Variants in RIC8B observed in about 807,000 individuals in gnomAD.
RIC8B encodes the protein chaperone Ric-8B.
A neutral mutation model predicts 57.5 loss-of-function variants in RIC8B; 16 were observed. That is an observed-to-expected ratio of 0.28 (90% CI 0.19 to 0.42). RIC8B has a LOEUF of 0.42. Among genes scored for constraint, RIC8B ranks in the 10% least tolerant of loss-of-function variants. The pLI is 1.00. For synonymous variants in RIC8B, 216 were observed against 250.8 expected (o/e 0.86, Z 1.31); for missense variants, 481 against 677.0 (o/e 0.71, Z 3.21).
chr12:106,883,484 G>A (rs981066358), intron 9 of RIC8B, among the ~76,000 whole-genome samples: 1 of 152,048 alleles, frequency 6.6e-6, no homozygotes, highest in Non-Finnish European at 1.5e-5. Flanking sequence ...AAATATATCA[G>A]AATCTCCCCA....
chr12:106,813,432 C>T lies in RIC8B; in HGVS notation c.133-1264C>T, dbSNP rs565834802. Among the ~76,000 whole-genome samples the T allele has an allele frequency of 2.0e-4, 30 of 152,166 alleles. No homozygotes were observed. The East Asian group carries it at 5.4e-3, about 28-fold the overall frequency. The stretch of plus-strand genomic sequence containing the variant: ...GTCTTGATCTCCTGACCTCATGTTC[C>T]GCCTTCCTCAGCCTCTTGAAGTGCT... On this transcript the variant is annotated intron_variant, in intron 2 of 9. Transcript: ENST00000392837.
intron 4 of RIC8B, among the ~76,000 whole-genome samples, chr12:106,832,623 C>T (rs987078502): frequency 1.3e-5 from 2 of 151,940 alleles, no homozygotes; most frequent in African/African-American, 2.4e-5. Context: ...GTCTTCTCTG[C>T]CATTATATAC....
At chr12:106,839,746 T>C (rs2046783586) in intron 4 of RIC8B, among the ~76,000 whole-genome samples, 1 of 152,246 alleles carries the variant, frequency 6.6e-6, no homozygotes, top group African/African-American at 2.4e-5. Context: ...TTGGGTGCAG[T>C]GGCTCACGCC....
In RIC8B at chr12:106,799,143, A is replaced by G. The variant is rs933604858; in HGVS notation, c.132+15099A>G. 2.0e-5 allele frequency among the ~76,000 whole-genome samples: 3 copies of G among 152,352 alleles called. No individual in the cohort carries two copies. In the East Asian group the frequency reaches 5.8e-4, roughly 29 times the overall value. On this transcript the variant is annotated intron_variant, in intron 2 of 9. Transcript: ENST00000392837. ...TCTATAGAATTAATAGAAAAACTGC[A>G]GTGTTATTTTTTATAACATCACTAC...
At chr12:106,846,185 TCTC>T (rs1949180567) in intron 6 of RIC8B, among the ~76,000 whole-genome samples, 1 of 152,160 alleles carries the variant, frequency 6.6e-6, no homozygotes, top group South Asian at 2.1e-4. Flanking sequence ...TGCCGACTCA[TCTC>T]CTCCTCTTGG....
At chr12:106,818,886 C>A (rs2045710660) in intron 3 of RIC8B, among the ~76,000 whole-genome samples, 1 of 152,110 alleles carries the variant, frequency 6.6e-6, no homozygotes, top group Admixed American at 6.5e-5. Flanking sequence ...CCTGCCTCAG[C>A]CTCCAGAGTA....
At chr12:106,778,975 G>A (rs948696715) in intron 1 of RIC8B, among the ~76,000 whole-genome samples, 1 of 147,254 alleles carries the variant, frequency 6.8e-6, no homozygotes, top group African/African-American at 2.5e-5. Context: ...GTGCAATGGC[G>A]CGATCTCGGC....
At chr12:106,806,544 C>T (rs2045032096) in intron 2 of RIC8B, among the ~76,000 whole-genome samples, 1 of 152,034 alleles carries the variant, frequency 6.6e-6, no homozygotes, top group Admixed American at 6.6e-5. Context: ...CTTAAGAATG[C>T]CTTTATTGCC....
chr12:106,853,705 G>T (rs1020154155), intron 7 of RIC8B, among the ~76,000 whole-genome samples: 10 of 151,886 alleles, frequency 6.6e-5, no homozygotes, highest in Middle Eastern at 3.4e-3. Flanking sequence ...CTGTCCTTGT[G>T]ATCTGCCCAC....
At chr12:106,849,223 C>A (rs192758663) in intron 6 of RIC8B, among the ~76,000 whole-genome samples, 2 of 151,816 alleles carry the variant, frequency 1.3e-5, no homozygotes, top group South Asian at 2.1e-4. Context: ...ATCTCATATA[C>A]CCCATAAATA....
At chr12:106,864,399 T>C (rs566723096) in intron 8 of RIC8B, among the ~76,000 whole-genome samples, 15 of 152,266 alleles carry the variant, frequency 9.9e-5, no homozygotes, top group African/African-American at 3.6e-4. Flanking sequence ...TAATAATAGC[T>C]GGTATTTATT....
chr12:106,808,564 T>G (rs559883520), intron 2 of RIC8B, among the ~76,000 whole-genome samples: 467 of 152,298 alleles, frequency 3.1e-3, no homozygotes, highest in Middle Eastern at 0.014. Context: ...ATAATAAAAA[T>G]TAATCACTAA....
chr12:106,844,819 A>T (rs1949113851), intron 6 of RIC8B, among the ~76,000 whole-genome samples: 1 of 152,184 alleles, frequency 6.6e-6, no homozygotes, highest in African/African-American at 2.4e-5. Context: ...TTGCTGATAG[A>T]TTGGAGTATG....
chr12:106,842,939 C>G, intron 5 of RIC8B, 122 bp downstream of exon 5: 1 of 591,554 alleles, frequency 1.7e-6, no homozygotes, highest in Non-Finnish European at 2.9e-6. Context: ...GACTGATGTG[C>G]TGCATAATTG....
At chr12:106,794,033 A>G (rs944473084) in intron 2 of RIC8B, among the ~76,000 whole-genome samples, 1 of 152,212 alleles carries the variant, frequency 6.6e-6, no homozygotes, top group Non-Finnish European at 1.5e-5. Flanking sequence ...TCAGAGAACT[A>G]AAGGAAACCA....
intron 4 of RIC8B, among the ~76,000 whole-genome samples, chr12:106,836,818 A>G (rs1251194505): frequency 6.6e-6 from 1 of 152,212 alleles, no homozygotes; most frequent in Non-Finnish European, 1.5e-5. Context: ...TAAAGTTATA[A>G]TATCCTACAA....
intron 2 of RIC8B, among the ~76,000 whole-genome samples, chr12:106,806,863 A>G (rs1272141453): frequency 1.1e-4 from 16 of 152,202 alleles, no homozygotes; most frequent in African/African-American, 3.6e-4. Flanking sequence ...GCCCTTATTC[A>G]TATAGAAAGC....
intron 1 of RIC8B, among the ~76,000 whole-genome samples, chr12:106,782,369 T>G (rs549799674): frequency 3.9e-5 from 6 of 152,328 alleles, no homozygotes; most frequent in African/African-American, 1.2e-4. Context: ...ACTTTCTCTT[T>G]TAAGGTTTAT....
intron 7 of RIC8B, among the ~76,000 whole-genome samples, chr12:106,854,651 C>T (rs1409338242): frequency 2.0e-5 from 3 of 152,070 alleles, no homozygotes; most frequent in Admixed American, 6.6e-5. Context: ...ATTAGCTGGA[C>T]GTGGTGGTGC....
Sources: allele counts gnomAD v4.1 joint callset (sites outside exome capture counted in the v4.1 genomes callset), GRCh38; gene constraint gnomAD v4.1.1; transcripts MANE v1.5; gene names NCBI Gene and HGNC (gene_info 2026-07-23, HGNC 2026-07-21).